The following XPO5 variants were observed in gnomAD, a reference collection of about 807,000 sequenced individuals.
XPO5 encodes exportin 5, also known as exportin-5.
A neutral mutation model predicts 160.6 loss-of-function variants in XPO5; 46 were observed. The observed-to-expected ratio is 0.29, with a 90% CI of 0.23 to 0.37. The LOEUF is 0.37. Among genes scored for constraint, XPO5 ranks in the 10% least tolerant of loss-of-function variants. XPO5 has a pLI of 1.00. For missense variants in XPO5, 1,090 were observed against 1,463.9 expected, an observed-to-expected ratio of 0.74 and a Z score of 4.17; for synonymous variants, 537 against 519.3, an observed-to-expected ratio of 1.03 and a Z score of -0.46.
chr6:43,543,352 C>T (rs1443125643), intron 20 of XPO5, among the ~76,000 whole-genome samples: 2 of 152,042 alleles, frequency 1.3e-5, no homozygotes, highest in Non-Finnish European at 2.9e-5. Flanking sequence ...ACTCAGGAGG[C>T]TGAGGTGGGA....
In XPO5 at chr6:43,523,850, G is replaced by T. The variant is rs1303089680; in HGVS notation, c.*18C>A. 1 of 1,613,998 alleles carries T rather than the reference G, an allele frequency of 6.2e-7. No homozygotes were observed. The highest frequency in any genetic ancestry group is 1.7e-5 in the Admixed American group (1 of 60,028). ...GAGATGACAAGAAAGGCCGAGGAAG[G>T]ATGCCCAAAAGCTTGATTCAGGGTT... On this transcript the variant is annotated 3_prime_UTR_variant, in exon 32 of 32. Transcript: ENST00000265351.
At chr6:43,551,183 T>C (rs997091514) in intron 15 of XPO5, 115 bp downstream of exon 15, 2 of 1,136,108 alleles carry the variant, frequency 1.8e-6, no homozygotes, top group Non-Finnish European at 2.4e-6. Context: ...TTGAGACTAG[T>C]AATTTGAGTC....
intron 1 of XPO5, among the ~76,000 whole-genome samples, chr6:43,575,439 A>G (rs1763259991): frequency 6.6e-6 from 1 of 152,112 alleles, no homozygotes; most frequent in African/African-American, 2.4e-5. Flanking sequence ...GGCTTGGGGA[A>G]TGAAAATGGG....
chr6:43,565,908 A>G (rs568885465), intron 7 of XPO5, among the ~76,000 whole-genome samples, 172 bp from the exon 8 acceptor site: 1 of 152,370 alleles, frequency 6.6e-6, no homozygotes, highest in South Asian at 2.1e-4. Flanking sequence ...GATAAACTAC[A>G]TATTTTTTCT....
Position 43,572,567 on chromosome 6 carries a change from T to G in XPO5, c.239A>C (p.Asn80Thr). Residue 80 changes from asparagine (N) to threonine (T), a missense_variant, in exon 3 of 32, where the codon AAC becomes ACC. Physicochemically the swap from Asn to Thr is moderately conservative, Grantham distance 65. Around this residue, in one of 3 missense-constraint regions of XPO5, gnomAD observed 170 missense variants for 227.0 expected, o/e 0.75. Coordinates refer to ENST00000265351, the MANE Select transcript of XPO5 (RefSeq NM_020750.3). Reference protein sequence around the residue: ...ILEHVVKFRWNGMSRLEKVYL... With the variant: ...ILEHVVKFRWTGMSRLEKVYL... ...CACCTTCTCCAATCGAGACATGCCG[T>G]TCCACCGAAACCTGACCACCAAAAT... 6.2e-7 allele frequency: 1 copy of G among 1,613,994 alleles called. No individual in the cohort carries two copies. The highest frequency in any genetic ancestry group is 2.2e-5 in the East Asian group (1 of 44,886).
At chr6:43,547,271 A>T (rs1210523365) in intron 19 of XPO5, 1 of 398,080 alleles carries the variant, frequency 2.5e-6, no homozygotes, top group East Asian at 6.1e-5. Flanking sequence ...TTAAGCCATC[A>T]CTTAAGACTT....
At chr6:43,549,266 G>A (rs1174952818) in intron 17 of XPO5, among the ~76,000 whole-genome samples, 7 of 152,116 alleles carry the variant, frequency 4.6e-5, no homozygotes, top group African/African-American at 4.8e-5. Flanking sequence ...ACTTCACCAT[G>A]TTGTCCAGGC....
intron 8 of XPO5, among the ~76,000 whole-genome samples, chr6:43,564,257 C>T (rs1011135567): frequency 5.9e-5 from 9 of 152,064 alleles, no homozygotes; most frequent in African/African-American, 1.2e-4. Flanking sequence ...CAGCCGGGCA[C>T]GGTGGCTCAT....
chr6:43,570,084 G>A (rs1437984907), intron 5 of XPO5, among the ~76,000 whole-genome samples: 9 of 147,478 alleles, frequency 6.1e-5, no homozygotes, highest in African/African-American at 2.0e-4. Flanking sequence ...TTTGGGAGGC[G>A]GGCGGATCAT....
At chr6:43,554,517 T>C (rs1582230201) in intron 13 of XPO5, among the ~76,000 whole-genome samples, 2 of 151,482 alleles carry the variant, frequency 1.3e-5, no homozygotes, top group Admixed American at 6.6e-5. Flanking sequence ...CTCCACCTCC[T>C]GGGTTCAAGT....
chr6:43,551,257 A>T (rs1372044941), intron 15 of XPO5, 41 bp downstream of exon 15: 1 of 1,525,244 alleles, frequency 6.6e-7, no homozygotes, highest in African/African-American at 1.4e-5. Context: ...ATTAACTTAG[A>T]AATGTCAAAA....
At chr6:43,566,587 T>G in intron 7 of XPO5, 2 of 381,000 alleles carry the variant, frequency 5.2e-6, no homozygotes, top group East Asian at 7.9e-5. Context: ...GGAGGGCAGA[T>G]CACTTGAGCT....
chr6:43,552,335 C>T (rs1403907315), intron 14 of XPO5, among the ~76,000 whole-genome samples: 1 of 152,048 alleles, frequency 6.6e-6, no homozygotes, highest in Non-Finnish European at 1.5e-5. Flanking sequence ...GGATTACAGG[C>T]CTGAGCCACT....
chr6:43,539,054 G>C, intron 20 of XPO5: 1 of 1,525,396 alleles, frequency 6.6e-7, no homozygotes, highest in Non-Finnish European at 9.0e-7. Context: ...ATCGATACCA[G>C]CCATCATGAG....
At chr6:43,549,760 C>A in intron 16 of XPO5, 133 bp downstream of exon 16, 2 of 1,183,156 alleles carry the variant, frequency 1.7e-6, no homozygotes, top group Admixed American at 2.3e-5. Context: ...CCTATAGTGG[C>A]AAAACAACAT....
chr6:43,563,667 T>C (rs1762530172), intron 8 of XPO5, among the ~76,000 whole-genome samples: 1 of 152,286 alleles, frequency 6.6e-6, no homozygotes, highest in South Asian at 2.1e-4. Flanking sequence ...CTATAGCATG[T>C]TACCGTAGCC....
At chr6:43,555,786 T>C (rs1762049161) in intron 13 of XPO5, 50 bp downstream of exon 13, 1 of 1,609,716 alleles carries the variant, frequency 6.2e-7, no homozygotes, top group Non-Finnish European at 8.5e-7. Flanking sequence ...ATATATAGTT[T>C]TGATACTGTC....
intron 17 of XPO5, among the ~76,000 whole-genome samples, 183 bp from the exon 18 acceptor site, chr6:43,548,643 G>A (rs759929973): frequency 1.3e-5 from 2 of 151,862 alleles, no homozygotes; most frequent in African/African-American, 4.8e-5. Context: ...CAATTTAGGC[G>A]GAAGATAGCT....
intron 22 of XPO5, 117 bp from the exon 23 acceptor site, chr6:43,530,941 T>C (rs941210641): frequency 7.7e-7 from 1 of 1,303,720 alleles, no homozygotes; most frequent in Non-Finnish European, 1.0e-6. Context: ...AGAAGAGCAG[T>C]TGTATTTACT....
Sources: gnomAD v4.1 joint callset for allele counts (sites outside exome capture counted in the v4.1 genomes callset) on GRCh38, gnomAD v4.1.1 for gene constraint, gnomAD v4.1.1 regional missense constraint, MANE v1.5 for transcripts, NCBI Gene and HGNC (gene_info 2026-07-23, HGNC 2026-07-21) for gene names.